RBM17: variants seen among roughly 807,000 people sequenced by gnomAD.
RBM17 encodes splicing factor 45.
RBM17 carries 7 observed loss-of-function variants against 53.2 expected under a neutral mutation model. That is an observed-to-expected ratio of 0.13 (90% CI 0.07 to 0.25). The LOEUF (loss-of-function observed/expected upper bound fraction) is 0.25, where lower values mean the gene tolerates loss of function less well. Among genes scored for constraint, RBM17 ranks in the 10% least tolerant of loss-of-function variants. The probability of loss-of-function intolerance (pLI) is 1.00; values close to 1 mark genes in which losing one functional copy is unlikely to be tolerated. For missense variants in RBM17, 257 were observed against 496.7 expected, an observed-to-expected ratio of 0.52 and a Z score of 4.59; for synonymous variants, 167 against 178.1, an observed-to-expected ratio of 0.94 and a Z score of 0.50.
intron 1 of RBM17, among the ~76,000 whole-genome samples, chr10:6,090,949 C>T (rs993057513): frequency 1.4e-5 from 2 of 145,380 alleles, no homozygotes; most frequent in African/African-American, 5.2e-5. Context: ...CACCAAAGTG[C>T]ACCACCCCTC....
intron 1 of RBM17, among the ~76,000 whole-genome samples, chr10:6,093,292 C>T (rs538584259): frequency 3.3e-5 from 5 of 152,256 alleles, no homozygotes; most frequent in South Asian, 4.1e-4. Flanking sequence ...TGGCTCACTG[C>T]GACCTCCGCC....
At position 6,115,325 on chromosome 10, in the gene RBM17, C is replaced by G; in HGVS notation, c.1102+14C>G. On this transcript the variant is annotated intron_variant, in intron 11 of 11. Coordinates refer to ENST00000379888, the MANE Select transcript of RBM17 (RefSeq NM_032905.5). ...CAGCAATTAAAGGTTAGTGGTACAG[C>G]TAAATATTAAAGAATAAAAAAGTTG... The G allele has an allele frequency of 6.3e-7, 1 of 1,597,506 alleles. No homozygotes were observed. The highest frequency in any genetic ancestry group is 1.7e-5 in the Admixed American group (1 of 59,664).
rs398012715 is a variant in RBM17 at position 6,098,563 on chromosome 10, G to GTTTTTTTTTT, written c.123+1396_123+1405dup. On this transcript the variant is annotated intron_variant, in intron 2 of 11. Transcript: ENST00000379888. ...AATTTCCGTAATACACAGGTTTTTT[G>GTTTTTTTTTT]TTTTTTTTTTTTTTTTTTTTTTTTT... Among the ~76,000 whole-genome samples the GTTTTTTTTTT allele has an allele frequency of 5.8e-4, 27 of 46,656 alleles. 1 individual carries two copies. The highest frequency in any genetic ancestry group is 1.1e-3 in the African/African-American group (14 of 12,578). The allele number at this position is 46,656 out of a possible 152,430, so 30.6% of individuals were successfully genotyped here. A position where few individuals can be genotyped will look rare whatever the true frequency, so the allele number is the denominator to read the frequency against.
At chr10:6,111,070 T>C (rs1453387966) in intron 7 of RBM17, among the ~76,000 whole-genome samples, 1 of 152,222 alleles carries the variant, frequency 6.6e-6, no homozygotes. Flanking sequence ...GATGGTACCA[T>C]TCAGCAGTTT....
chr10:6,098,125 A>T (rs1453238674), intron 2 of RBM17, among the ~76,000 whole-genome samples: 1 of 152,294 alleles, frequency 6.6e-6, no homozygotes, highest in East Asian at 1.9e-4. Context: ...TGAGAATGGT[A>T]TTATGGTTTG....
At chr10:6,107,923 C>A (rs1840778598) in intron 5 of RBM17, among the ~76,000 whole-genome samples, 1 of 151,960 alleles carries the variant, frequency 6.6e-6, no homozygotes, top group African/African-American at 2.4e-5. Context: ...TATACGTAAT[C>A]CATATATGTT....
At chr10:6,113,395 G>C (rs1840868182) in intron 8 of RBM17, 113 bp from the exon 9 acceptor site, 2 of 717,042 alleles carry the variant, frequency 2.8e-6, no homozygotes, top group African/African-American at 1.8e-5. Flanking sequence ...CATAAATGGT[G>C]GGGATCGCTA....
chr10:6,103,772 A>G (rs946062493), intron 3 of RBM17, among the ~76,000 whole-genome samples: 10 of 152,190 alleles, frequency 6.6e-5, no homozygotes, highest in Non-Finnish European at 1.5e-4. Context: ...GAACCATGAA[A>G]CACAGGAACT....
At chr10:6,111,663 C>T (rs552518417) in intron 7 of RBM17, among the ~76,000 whole-genome samples, 3 of 152,266 alleles carry the variant, frequency 2.0e-5, no homozygotes, top group Admixed American at 6.5e-5. Flanking sequence ...TCTAATATGG[C>T]GTCTTGCATT....
intron 10 of RBM17, 181 bp from the exon 11 acceptor site, chr10:6,115,058 A>T (rs1389042088): frequency 1.7e-6 from 1 of 597,058 alleles, no homozygotes; most frequent in Admixed American, 3.3e-5. Flanking sequence ...CTGTCATAAA[A>T]ACAGGCATTC....
intron 1 of RBM17, among the ~76,000 whole-genome samples, chr10:6,096,015 G>T (rs1364544207): frequency 6.6e-6 from 1 of 152,174 alleles, no homozygotes; most frequent in African/African-American, 2.4e-5. Flanking sequence ...TGCTTTATGG[G>T]CCCCCTGGGA....
intron 1 of RBM17, among the ~76,000 whole-genome samples, chr10:6,091,934 T>C (rs1840491999): frequency 1.3e-5 from 2 of 152,180 alleles, no homozygotes; most frequent in African/African-American, 4.8e-5. Flanking sequence ...GGGGTGCTTC[T>C]GAGAAGACTC....
rs780026372 is a variant in RBM17 at position 6,108,706 on chromosome 10, G to GC, written c.530dup (p.Pro178ThrfsTer18). The GC allele has an allele frequency of 6.2e-7, 1 of 1,612,664 alleles. No homozygotes were observed. The highest frequency in any genetic ancestry group is 8.5e-7 in the Non-Finnish European group (1 of 1,179,744). On this transcript the variant is annotated frameshift_variant, in exon 6 of 12. Coordinates refer to ENST00000379888, the MANE Select transcript of RBM17 (RefSeq NM_032905.5). LOFTEE classifies it high-confidence loss of function. ...TGCAGGTATGGGCGGAGCTGCCATT[G>GC]CCCCACCCACTTCTCTGGTAGAGAA...
chr10:6,111,792 C>T (rs1471069531), intron 7 of RBM17, among the ~76,000 whole-genome samples: 5 of 152,200 alleles, frequency 3.3e-5, no homozygotes, highest in Non-Finnish European at 7.3e-5. Flanking sequence ...TGGAAACTCT[C>T]CTGTGCTATT....
At chr10:6,100,303 C>T (rs1274902248) in intron 2 of RBM17, among the ~76,000 whole-genome samples, 1 of 152,188 alleles carries the variant, frequency 6.6e-6, no homozygotes, top group Middle Eastern at 3.4e-3. Flanking sequence ...ACCACCATAC[C>T]CATATGATCA....
At chr10:6,098,730 T>C (rs573659680) in intron 2 of RBM17, among the ~76,000 whole-genome samples, 3 of 152,084 alleles carry the variant, frequency 2.0e-5, no homozygotes, top group East Asian at 3.9e-4. Context: ...CGCCCACCAC[T>C]GCGCCTGCGG....
intron 2 of RBM17, among the ~76,000 whole-genome samples, chr10:6,098,563 GTTTTT>G (rs398012715): frequency 5.8e-4 from 27 of 46,662 alleles, no homozygotes; most frequent in African/African-American, 1.9e-3. Context: ...CAGGTTTTTT[GTTTTT>G]TTTTTTTTTT....
intron 1 of RBM17, among the ~76,000 whole-genome samples, chr10:6,091,041 T>TTATATATTTTTA (rs1413044500): frequency 7.2e-6 from 1 of 139,418 alleles, no homozygotes; most frequent in Non-Finnish European, 1.6e-5. Context: ...TTATATATTT[T>TTATATATTTTTA]TATATATATA....
In RBM17 at chr10:6,098,556, G is replaced by GTTTTTTTTTTTTTTTTTTT. The variant is rs1221504658; in HGVS notation, c.123+1374_123+1375insTTTTTTTTTTTTTTTTTTT. 1.9e-4 allele frequency among the ~76,000 whole-genome samples: 17 copies of GTTTTTTTTTTTTTTTTTTT among 87,972 alleles called. 3 individuals carry two copies. The highest frequency in any genetic ancestry group is 2.4e-4 in the African/African-American group (6 of 24,768). The allele number at this position is 87,972 out of a possible 152,430, so 57.7% of individuals were successfully genotyped here. A position where few individuals can be genotyped will look rare whatever the true frequency, so the allele number is the denominator to read the frequency against. On this transcript the variant is annotated intron_variant, in intron 2 of 11. Transcript: ENST00000379888. ...GTTTGAAAATTTCCGTAATACACAG[G>GTTTTTTTTTTTTTTTTTTT]TTTTTTGTTTTTTTTTTTTTTTTTT...
Sources: allele counts gnomAD v4.1 joint callset (sites outside exome capture counted in the v4.1 genomes callset), GRCh38; gene constraint gnomAD v4.1.1; transcripts MANE v1.5; gene names NCBI Gene and HGNC (gene_info 2026-07-23, HGNC 2026-07-21).